Variants in ANKRD26 observed in about 807,000 individuals in gnomAD.
The protein encoded by ANKRD26 is ankyrin repeat domain 26.
Under a neutral mutation model 208.7 loss-of-function variants are expected in ANKRD26, and 141 were observed. That is an observed-to-expected ratio of 0.68 (90% CI 0.59 to 0.78). The LOEUF (loss-of-function observed/expected upper bound fraction) is 0.78, where lower values mean the gene tolerates loss of function less well. ANKRD26 is among the 30% of genes least tolerant of loss of function. The pLI, the probability that ANKRD26 is intolerant of heterozygous loss-of-function variation, is 0.00. For missense variants in ANKRD26, 1,889 were observed against 1,938.7 expected (o/e 0.97, Z 0.48); for synonymous variants, 636 against 660.4 (o/e 0.96, Z 0.57).
At chr10:26,999,280 G>T (rs541261132), downstream of ANKRD26, among the ~76,000 whole-genome samples, 33 of 152,272 alleles carry the variant, frequency 2.2e-4, no homozygotes, top group African/African-American at 6.0e-4. Context: ...ATGACAATTC[G>T]CCATAAGCAT....
At chr10:27,017,376 C>A (rs2053331982) in intron 30 of ANKRD26, 126 bp downstream of exon 30, 2 of 905,634 alleles carry the variant, frequency 2.2e-6, no homozygotes, top group South Asian at 3.0e-5. Flanking sequence ...GAAACAGATG[C>A]CATCATCCTT....
At chr10:27,065,308 A>G (rs897072419) in intron 11 of ANKRD26, among the ~76,000 whole-genome samples, 2 of 152,216 alleles carry the variant, frequency 1.3e-5, no homozygotes, top group Non-Finnish European at 2.9e-5. Context: ...CACCTTGTAT[A>G]TGCGGTGTCT....
At chr10:26,951,602 ATTGT>A in the ANKRD26 span, among the ~76,000 whole-genome samples, 3 of 152,086 alleles carry the variant, frequency 2.0e-5, no homozygotes, top group East Asian at 1.9e-4. Context: ...CTTTTAATGG[ATTGT>A]TTGACTTTGT....
chr10:26,951,091 T>A, the ANKRD26 span, among the ~76,000 whole-genome samples: 6 of 149,358 alleles, frequency 4.0e-5, no homozygotes, highest in African/African-American at 1.5e-4. Flanking sequence ...TTTTGTAAAA[T>A]GTCATGTGGG....
intron 11 of ANKRD26, among the ~76,000 whole-genome samples, chr10:27,065,374 A>ATT (rs1218875014): frequency 2.0e-5 from 3 of 152,180 alleles, no homozygotes; most frequent in African/African-American, 7.2e-5. Context: ...AAGTTCAAAC[A>ATT]TTTAAAATCT....
chr10:27,075,691 A>G (rs2055670596), intron 9 of ANKRD26, among the ~76,000 whole-genome samples: 1 of 152,236 alleles, frequency 6.6e-6, no homozygotes, highest in Non-Finnish European at 1.5e-5. Flanking sequence ...TAGACAGGTC[A>G]TCAAGGTAGA....
intron 1 of ANKRD26, among the ~76,000 whole-genome samples, chr10:27,094,441 A>G (rs2135742638): frequency 6.6e-6 from 1 of 152,328 alleles, no homozygotes; most frequent in East Asian, 1.9e-4. Context: ...CTTGGGGTTG[A>G]ATCCTACTTT....
At chr10:27,044,303 T>C in intron 18 of ANKRD26, 113 bp from the exon 19 acceptor site, 1 of 955,276 alleles carries the variant, frequency 1.0e-6, no homozygotes, top group Non-Finnish European at 1.5e-6. Flanking sequence ...ATTTACCCTA[T>C]TCATAAAGTT....
intron 12 of ANKRD26, among the ~76,000 whole-genome samples, 193 bp from the exon 13 acceptor site, chr10:27,061,435 C>A (rs1199476098): frequency 2.0e-5 from 3 of 151,886 alleles, no homozygotes; most frequent in African/African-American, 7.3e-5. Context: ...TTTTTCATTT[C>A]TAAAATGTTA....
At chr10:27,044,539 G>A (rs1360871529) in intron 18 of ANKRD26, among the ~76,000 whole-genome samples, 6 of 149,312 alleles carry the variant, frequency 4.0e-5, no homozygotes, top group South Asian at 2.1e-4. Context: ...TTTTGCTGTC[G>A]ACCTTTTCAA....
At chr10:26,997,535 G>A (rs986281097) in intron 4 of ANKRD26, among the ~76,000 whole-genome samples, 1 of 152,162 alleles carries the variant, frequency 6.6e-6, no homozygotes, top group East Asian at 1.9e-4. Flanking sequence ...AGTAGTAACA[G>A]GCTGAGGGAA....
chr10:27,080,771 C>G, intron 6 of ANKRD26: 1 of 985,446 alleles, frequency 1.0e-6, no homozygotes, highest in Non-Finnish European at 1.2e-6. Context: ...TATCTCTGCT[C>G]CTGGAAAACA....
At chr10:27,031,975 C>T (rs914263373) in intron 25 of ANKRD26, among the ~76,000 whole-genome samples, 8 of 152,028 alleles carry the variant, frequency 5.3e-5, no homozygotes, top group African/African-American at 1.9e-4. Flanking sequence ...TATCCATTCA[C>T]AAAAGTGAAA....
At chr10:27,099,567 G>GA (rs1248329010) in intron 1 of ANKRD26, among the ~76,000 whole-genome samples, 1 of 143,572 alleles carries the variant, frequency 7.0e-6, no homozygotes, top group Non-Finnish European at 1.5e-5. Context: ...AGAGTTGGGG[G>GA]GGGGGGTCTC....
At chr10:26,998,460 G>A (rs114102182) in intron 4 of ANKRD26, among the ~76,000 whole-genome samples, 62 of 152,192 alleles carry the variant, frequency 4.1e-4, no homozygotes, top group African/African-American at 1.2e-3. Context: ...GTCTGCTAAC[G>A]GGTCTGACCT....
At chr10:26,988,083 T>C (rs2052420249), downstream of ANKRD26, among the ~76,000 whole-genome samples, 1 of 152,192 alleles carries the variant, frequency 6.6e-6, no homozygotes, top group Non-Finnish European at 1.5e-5. Flanking sequence ...GCACAGCTGA[T>C]TGTCCCTCTG....
chr10:26,961,016 A>T, the ANKRD26 span, among the ~76,000 whole-genome samples: 2 of 152,240 alleles, frequency 1.3e-5, no homozygotes, highest in East Asian at 3.9e-4. Flanking sequence ...CAGGAGATCC[A>T]CACCATCCTG....
At chr10:27,026,082 ATTGT>A (rs1268672931) in intron 27 of ANKRD26, among the ~76,000 whole-genome samples, 1 of 152,068 alleles carries the variant, frequency 6.6e-6, no homozygotes, top group African/African-American at 2.4e-5. Context: ...CAGATTATTG[ATTGT>A]TTGCCTTTGC....
chr10:27,044,430 A>T (rs577891667), intron 18 of ANKRD26, among the ~76,000 whole-genome samples: 21 of 152,250 alleles, frequency 1.4e-4, no homozygotes, highest in African/African-American at 4.8e-4. Flanking sequence ...CAATATCATA[A>T]CAAACAAATT....
Sources: allele counts gnomAD v4.1 joint callset (sites outside exome capture counted in the v4.1 genomes callset), GRCh38; gene constraint gnomAD v4.1.1; transcripts MANE v1.5; gene names NCBI Gene and HGNC (gene_info 2026-07-23, HGNC 2026-07-21).